The following SMIM18 variants were observed in gnomAD, a reference collection of about 807,000 sequenced individuals.
SMIM18 encodes the protein small integral membrane protein 18.
Under a neutral mutation model 5.9 loss-of-function variants are expected in SMIM18, and 4 were observed. That is an observed-to-expected ratio of 0.68 (90% confidence interval 0.33 to 1.56). The LOEUF is 1.56. SMIM18 is among the 40% of genes most tolerant of loss of function. SMIM18 has a pLI of 0.06. For missense variants in SMIM18, 89 were observed against 109.7 expected, an observed-to-expected ratio of 0.81 and a Z score of 0.84; for synonymous variants, 37 against 37.4, an observed-to-expected ratio of 0.99 and a Z score of 0.04.
chr8:30,639,009 G>C (rs1313603010), intron 1 of SMIM18, among the ~76,000 whole-genome samples: 1 of 152,098 alleles, frequency 6.6e-6, no homozygotes, highest in Non-Finnish European at 1.5e-5. Context: ...TTTTCTTAAA[G>C]AAAAACCCAG....
At chr8:30,643,383 G>T (rs1012202489) in intron 1 of SMIM18, 2 of 152,302 alleles carry the variant, frequency 1.3e-5, no homozygotes, top group African/African-American at 4.8e-5. Context: ...GGGAGGCCAG[G>T]CGCAGTGGCT....
At position 30,645,270 on chromosome 8, in the gene SMIM18, C is replaced by T. The variant is rs1022336702; in HGVS notation, c.-29-11C>T. ...TTTGCTACATAAATTCATTTTCTAC[C>T]TTTTTTATAGATTCAAAAGAGCAAG... is the stretch of plus-strand genomic sequence containing the variant. On this transcript the variant is annotated splice_polypyrimidine_tract_variant and intron_variant, in intron 2 of 2. Transcript: ENST00000517349. The T allele has an allele frequency of 1.0e-5, 15 of 1,500,190 alleles. 1 individual carries two copies. The African/African-American group carries it at 1.7e-4, about 17-fold the overall frequency. The allele number at this position is 1,500,190 out of a possible 1,614,324, so 92.9% of individuals were successfully genotyped here. A position where few individuals can be genotyped will look rare whatever the true frequency, so the allele number is the denominator to read the frequency against.
At position 30,645,763 on chromosome 8, in the gene SMIM18, T is replaced by TA; in HGVS notation, c.*167dup. The TA allele has an allele frequency of 1.6e-6, 1 of 628,456 alleles. No individual in the cohort carries two copies. Among genetic ancestry groups the TA allele is most frequent in the East Asian group, 2.8e-5 (1 of 36,184 alleles). 38.9% of individuals were successfully genotyped at this position (628,456 alleles called of 1,614,324 possible). On this transcript the variant is annotated 3_prime_UTR_variant, in exon 3 of 3. Transcript: ENST00000517349. ...GTTAAACATGCACTGTTTGTGTGTA[T>TA]AGCCATTTCATTAAATATACAGTAA...
chr8:30,641,606 T>G (rs1246706563), intron 1 of SMIM18, among the ~76,000 whole-genome samples: 1 of 152,160 alleles, frequency 6.6e-6, no homozygotes, highest in African/African-American at 2.4e-5. Flanking sequence ...CCAGGCGCGG[T>G]GGCTCATGCC....
At chr8:30,639,237 T>C (rs1035329375) in intron 1 of SMIM18, among the ~76,000 whole-genome samples, 1 of 152,210 alleles carries the variant, frequency 6.6e-6, no homozygotes, top group African/African-American at 2.4e-5. Flanking sequence ...GGTATCACTA[T>C]ATGGGCTGCA....
At chr8:30,638,670 G>T (rs1801693797) in intron 1 of SMIM18, 31 bp downstream of exon 1, 1 of 152,526 alleles carries the variant, frequency 6.6e-6, no homozygotes, top group South Asian at 2.1e-4. Context: ...TTATTTAGTG[G>T]TACATGTCCT....
chr8:30,639,124 A>G (rs1252873292), intron 1 of SMIM18, among the ~76,000 whole-genome samples: 1 of 152,220 alleles, frequency 6.6e-6, no homozygotes, highest in South Asian at 2.1e-4. Context: ...TTTTTAGAAT[A>G]TGAGAAAATA....
In SMIM18 at chr8:30,645,560, T is replaced by C. The variant is rs1288837326; in HGVS notation, c.251T>C (p.Met84Thr). 7 of 1,535,518 alleles carry C rather than the reference T, an allele frequency of 4.6e-6. No homozygotes were observed. The East Asian group carries it at 7.3e-5, about 16-fold the overall frequency. The change falls in exon 3 of 3, where the codon ATG (methionine) becomes ACG (threonine). Residue 84 changes from methionine (M) to threonine (T), a missense_variant. Met to Thr is a moderately conservative substitution (Grantham distance 81). Transcript: ENST00000517349. Reference protein sequence around the residue: ...KSEPNPLRSMMDNIRKRETEV... With the variant: ...KSEPNPLRSMTDNIRKRETEV... ...GAACCCAACCCTCTTAGAAGTATGA[T>C]GGACAACATCAGAAAACGTGAAACT...
At chr8:30,639,752 C>T (rs956195716) in intron 1 of SMIM18, among the ~76,000 whole-genome samples, 8 of 151,822 alleles carry the variant, frequency 5.3e-5, no homozygotes, top group African/African-American at 1.9e-4. Context: ...TTTATTTAAT[C>T]TTTAAAGGGT....
chr8:30,640,861 C>T (rs1801794725), intron 1 of SMIM18, among the ~76,000 whole-genome samples: 1 of 152,136 alleles, frequency 6.6e-6, no homozygotes, highest in Non-Finnish European at 1.5e-5. Flanking sequence ...CCCGCCACCA[C>T]AACTGGCTAA....
At chr8:30,643,010 G>T (rs1801906229) in intron 1 of SMIM18, among the ~76,000 whole-genome samples, 1 of 152,158 alleles carries the variant, frequency 6.6e-6, no homozygotes, top group African/African-American at 2.4e-5. Context: ...AGTGCAATGT[G>T]CATTTTCCTT....
intron 1 of SMIM18, 70 bp from the exon 2 acceptor site, chr8:30,644,422 T>G (rs373548837): frequency 6.6e-6 from 1 of 152,228 alleles, no homozygotes; most frequent in Non-Finnish European, 1.5e-5. Context: ...CACTCTAACC[T>G]AAAATTTTAT....
chr8:30,643,758 A>G (rs2128727378), intron 1 of SMIM18: 1 of 152,108 alleles, frequency 6.6e-6, no homozygotes, highest in African/African-American at 2.4e-5. Flanking sequence ...GAGAGTAATA[A>G]TTCTAAGTCT....
intron 1 of SMIM18, among the ~76,000 whole-genome samples, chr8:30,643,150 A>C (rs1311597912): frequency 6.6e-6 from 1 of 152,212 alleles, no homozygotes; most frequent in Non-Finnish European, 1.5e-5. Flanking sequence ...GAAAACAAAA[A>C]AATTTAAGGA....
chr8:30,640,488 A>T (rs1801777280), intron 1 of SMIM18, among the ~76,000 whole-genome samples: 1 of 151,550 alleles, frequency 6.6e-6, no homozygotes, highest in Non-Finnish European at 1.5e-5. Context: ...CACATATGCT[A>T]AAAAAAAATT....
At chr8:30,645,152 T>C in intron 2 of SMIM18, 129 bp from the exon 3 acceptor site, 1 of 820,218 alleles carries the variant, frequency 1.2e-6, no homozygotes, top group Non-Finnish European at 1.8e-6. Context: ...AATTCAAAAC[T>C]ACCATTTAGG....
At chr8:30,641,352 A>C (rs1018695268) in intron 1 of SMIM18, among the ~76,000 whole-genome samples, 1 of 152,054 alleles carries the variant, frequency 6.6e-6, no homozygotes, top group Non-Finnish European at 1.5e-5. Flanking sequence ...TATTATTAAA[A>C]GCGTAATTTG....
Position 30,645,658 on chromosome 8 carries a change from T to TA in SMIM18, c.*62dup. 7.0e-7 allele frequency: 1 copy of TA among 1,438,190 alleles called. No individual in the cohort carries two copies. Among genetic ancestry groups the TA allele is most frequent in the African/African-American group, 1.4e-5 (1 of 69,642 alleles). 89.1% of individuals were successfully genotyped at this position (1,438,190 alleles called of 1,614,324 possible). A position where few individuals can be genotyped will look rare whatever the true frequency, so the allele number is the denominator to read the frequency against. ...GCTCAACCTCTTCTGAGAAAAAAAA[T>TA]ATATTCTGAGGCCAACTGTTGCTAC... On this transcript the variant is annotated 3_prime_UTR_variant, in exon 3 of 3. Transcript: ENST00000517349.
chr8:30,645,691 A>C lies in SMIM18; in HGVS notation c.*94A>C. The C allele has an allele frequency of 8.0e-7, 1 of 1,242,782 alleles. No individual in the cohort carries two copies. The allele number at this position is 1,242,782 out of a possible 1,614,324, so 77.0% of individuals were successfully genotyped here. On this transcript the variant is annotated 3_prime_UTR_variant, in exon 3 of 3. Transcript: ENST00000517349. ...GAGGCCAACTGTTGCTACAAAACAA[A>C]TTCTGACTGAATGGTTAAAACATTT...
Sources: allele counts gnomAD v4.1 joint callset (sites outside exome capture counted in the v4.1 genomes callset), GRCh38; gene constraint gnomAD v4.1.1; transcripts MANE v1.5; gene names NCBI Gene and HGNC (gene_info 2026-07-23, HGNC 2026-07-21).